The following EIF4B variants were observed in gnomAD, a reference collection of about 807,000 sequenced individuals.
EIF4B encodes the protein eukaryotic translation initiation factor 4B.
EIF4B carries 8 observed loss-of-function variants against 79.3 expected under a neutral mutation model. The ratio of observed to expected loss-of-function variants is 0.10; its 90% CI spans 0.06 to 0.18. EIF4B has a LOEUF of 0.18. Among genes scored for constraint, EIF4B ranks in the 10% least tolerant of loss-of-function variants. EIF4B has a pLI of 1.00. For synonymous variants in EIF4B, 238 were observed against 274.7 expected, an observed-to-expected ratio of 0.87 and a Z score of 1.32; for missense variants, 515 against 792.4, an observed-to-expected ratio of 0.65 and a Z score of 4.20.
intron 10 of EIF4B, among the ~76,000 whole-genome samples, chr12:53,036,659 C>T (rs1048240036): frequency 4.6e-5 from 7 of 152,216 alleles, no homozygotes; most frequent in African/African-American, 1.7e-4. Flanking sequence ...AGCAATCCTG[C>T]CTCAGCCTCC....
At chr12:53,024,347 A>C (rs1019095208) in intron 6 of EIF4B, among the ~76,000 whole-genome samples, 2 of 152,230 alleles carry the variant, frequency 1.3e-5, no homozygotes, top group Admixed American at 6.5e-5. Flanking sequence ...AACCTGTTAC[A>C]TTAAGGGGAA....
intron 12 of EIF4B, 85 bp downstream of exon 12, chr12:53,038,496 G>T: frequency 7.6e-7 from 1 of 1,324,180 alleles, no homozygotes; most frequent in East Asian, 2.5e-5. Context: ...AGAGCAGTGT[G>T]TCTCGCACCT....
At chr12:53,010,617 TATTC>T (rs997966993) in intron 1 of EIF4B, among the ~76,000 whole-genome samples, 3 of 152,176 alleles carry the variant, frequency 2.0e-5, no homozygotes, top group African/African-American at 7.2e-5. Context: ...AAACATTTGT[TATTC>T]ATTATTTAAA....
chr12:53,018,730 T>C, intron 2 of EIF4B, 68 bp from the exon 3 acceptor site: 1 of 1,568,440 alleles, frequency 6.4e-7, no homozygotes, highest in Non-Finnish European at 8.7e-7. Flanking sequence ...TTAACATGGG[T>C]CCTCTTGTTC....
intron 12 of EIF4B, 68 bp downstream of exon 12, chr12:53,038,479 A>G (rs1181427816): frequency 4.1e-6 from 6 of 1,471,834 alleles, no homozygotes; most frequent in South Asian, 1.3e-5. Context: ...CCAAAATTAG[A>G]TTTTGAAGAG....
rs777111413 is a variant in EIF4B at position 53,027,136 on chromosome 12, A to ATTTTT, written c.668-646_668-645insTTTTT. 5.3e-3 allele frequency among the ~76,000 whole-genome samples: 156 copies of ATTTTT among 29,440 alleles called. 24 individuals are homozygous for ATTTTT. The highest frequency in any genetic ancestry group is 0.013 in the Non-Finnish European group (107 of 8,200). The allele number at this position is 29,440 out of a possible 152,430, so 19.3% of individuals were successfully genotyped here. On this transcript the variant is annotated intron_variant, in intron 6 of 14. Transcript: ENST00000262056. ...GAGACTGTCTCTCAAAAAAAAAAAA[A>ATTTTT]ATTTTTTTTTTTTTTTTTTTTGAGA...
rs200634786 is a variant in EIF4B at position 53,039,306 on chromosome 12, G to A, written c.1645G>A (p.Asp549Asn). The A allele has an allele frequency of 2.7e-4, 439 of 1,610,234 alleles. 2 individuals are homozygous for A. Among genetic ancestry groups the A allele is most frequent in the Middle Eastern group, 3.3e-4 (2 of 6,058 alleles). The change falls in exon 13 of 15, where the codon GAC becomes AAC. Residue 549 changes from aspartate to asparagine, a missense_variant. By Grantham distance (23) the Asp-to-Asn change is conservative. Around this residue, in one of 6 missense-constraint regions of EIF4B, gnomAD observed 146 missense variants for 228.0 expected, o/e 0.64. Coordinates refer to ENST00000262056, the MANE Select transcript of EIF4B (RefSeq NM_001417.7). ...QTGNSSRGPGDGGNRDHWKES... is the reference protein window; with the variant it reads ...QTGNSSRGPGNGGNRDHWKES... ...TGGGAACTCTAGCCGTGGTCCAGGCGACGGAGGGAACAGAGACCACTGGAA... is the reference window on the plus strand; with the variant it reads ...TGGGAACTCTAGCCGTGGTCCAGGCAACGGAGGGAACAGAGACCACTGGAA...
intron 1 of EIF4B, among the ~76,000 whole-genome samples, chr12:53,015,116 AT>A (rs938215633): frequency 3.3e-5 from 5 of 152,144 alleles, no homozygotes; most frequent in African/African-American, 1.2e-4. Flanking sequence ...AGAGGAGGAC[AT>A]TTTTTCTAGA....
chr12:53,010,970 G>A (rs1943054923), intron 1 of EIF4B, among the ~76,000 whole-genome samples: 1 of 152,162 alleles, frequency 6.6e-6, no homozygotes, highest in Non-Finnish European at 1.5e-5. Context: ...CACTTTTAAA[G>A]TATACAGTTT....
At chr12:53,034,783 C>A in intron 10 of EIF4B, 74 bp downstream of exon 10, 2 of 1,514,522 alleles carry the variant, frequency 1.3e-6, no homozygotes, top group Non-Finnish European at 1.8e-6. Flanking sequence ...TATGCAGAGA[C>A]CCTGCAATAT....
At chr12:53,019,196 C>G (rs965454337) in intron 3 of EIF4B, among the ~76,000 whole-genome samples, 190 bp downstream of exon 3, 3 of 151,990 alleles carry the variant, frequency 2.0e-5, no homozygotes, top group Non-Finnish European at 2.9e-5. Context: ...GTCAGGAATT[C>G]GAGTCCAGCC....
At chr12:53,022,725 T>TAGA in intron 6 of EIF4B, 98 bp downstream of exon 6, 1 of 1,393,388 alleles carries the variant, frequency 7.2e-7, no homozygotes. Context: ...CATTAACAGA[T>TAGA]AGAAGGAGGA....
chr12:53,039,093 C>T, intron 12 of EIF4B, 145 bp from the exon 13 acceptor site: 1 of 596,276 alleles, frequency 1.7e-6, no homozygotes, highest in South Asian at 2.1e-5. Flanking sequence ...GAAAGAAGGG[C>T]TTCAGGAAGG....
chr12:53,009,465 G>A (rs568538007), intron 1 of EIF4B, among the ~76,000 whole-genome samples: 9 of 151,802 alleles, frequency 5.9e-5, no homozygotes, highest in Admixed American at 1.3e-4. Context: ...ACTGCCCTCC[G>A]GCCTGGGCGA....
Position 53,011,792 on chromosome 12 carries a change from A to G in EIF4B, c.14-4681A>G, listed in dbSNP as rs1396021897. 1.3e-5 allele frequency among the ~76,000 whole-genome samples: 2 copies of G among 152,206 alleles called. 1 individual carries two copies. On this transcript the variant is annotated intron_variant, in intron 1 of 14. Coordinates refer to ENST00000262056, the MANE Select transcript of EIF4B (RefSeq NM_001417.7). ...TTTTATTAAACCTGTATGGGTATAT[A>G]AAGAGCTGGAGGTGTGTTTTCCCCA...
chr12:53,013,674 TTACTCAGGA>T (rs1382178116), intron 1 of EIF4B: 1 of 151,948 alleles, frequency 6.6e-6, no homozygotes, highest in Non-Finnish European at 1.5e-5. Flanking sequence ...GTAATCCCAG[TTACTCAGGA>T]GGCTGAGGCA....
chr12:53,021,924 C>T, intron 5 of EIF4B, 64 bp downstream of exon 5: 2 of 1,599,404 alleles, frequency 1.3e-6, no homozygotes, highest in Non-Finnish European at 1.7e-6. Context: ...GCCATCCTTT[C>T]CCAGAAAATT....
At chr12:53,023,245 A>T (rs544121320) in intron 6 of EIF4B, among the ~76,000 whole-genome samples, 26 of 152,174 alleles carry the variant, frequency 1.7e-4, no homozygotes, top group Admixed American at 1.3e-4. Context: ...ATATATATAT[A>T]TTTTTGAGAC....
chr12:53,023,245 AT>A (rs1018697296), intron 6 of EIF4B, among the ~76,000 whole-genome samples: 99 of 152,174 alleles, frequency 6.5e-4, no homozygotes, highest in African/African-American at 2.0e-3. Flanking sequence ...ATATATATAT[AT>A]TTTTGAGACG....
Sources: allele counts gnomAD v4.1 joint callset (sites outside exome capture counted in the v4.1 genomes callset), GRCh38; gene constraint gnomAD v4.1.1; regional missense constraint gnomAD v4.1.1; transcripts MANE v1.5; gene names NCBI Gene and HGNC (gene_info 2026-07-23, HGNC 2026-07-21).